The following OR14I1 variants were observed in gnomAD, a reference collection of about 807,000 sequenced individuals.
The protein encoded by OR14I1 is olfactory receptor 14I1.
For missense variants in OR14I1, 279 were observed against 181.8 expected (o/e 1.53, Z -3.07); for synonymous variants, 118 against 71.1 (o/e 1.66, Z -3.32).
chr1:248,681,943 T>A (rs1470562860), exon 1 of OR14I1: 1 of 780,818 alleles, frequency 1.3e-6, no homozygotes, highest in Non-Finnish European at 2.4e-6. Context: ...AATGGCAACA[T>A]AGCGGTCATA....
chr1:248,690,955 C>T, the OR14I1 span, among the ~76,000 whole-genome samples: 103 of 152,310 alleles, frequency 6.8e-4, no homozygotes, highest in Non-Finnish European at 1.2e-3. Flanking sequence ...AATCAATAAA[C>T]ACAATCCATC....
the OR14I1 span, among the ~76,000 whole-genome samples, chr1:248,701,128 A>G: frequency 6.6e-6 from 1 of 152,324 alleles, no homozygotes; most frequent in African/African-American, 2.4e-5. Context: ...TTTTTACAAG[A>G]CAAACAATAA....
At chr1:248,700,982 C>T in the OR14I1 span, among the ~76,000 whole-genome samples, 6 of 152,124 alleles carry the variant, frequency 3.9e-5, no homozygotes, top group East Asian at 7.7e-4. Context: ...TAATCAAAGA[C>T]CAAAATGGGC....
chr1:248,682,139 G>A, exon 1 of OR14I1: 1 of 781,042 alleles, frequency 1.3e-6, no homozygotes. Flanking sequence ...AAGTACATGG[G>A]TGTGTGAAGA....
the OR14I1 span, among the ~76,000 whole-genome samples, chr1:248,694,170 C>T: frequency 6.6e-6 from 1 of 152,086 alleles, no homozygotes; most frequent in African/African-American, 2.4e-5. Context: ...CAAAAGTGCC[C>T]TCCTTTGCTC....
chr1:248,693,303 C>T, the OR14I1 span, among the ~76,000 whole-genome samples: 11 of 152,202 alleles, frequency 7.2e-5, no homozygotes, highest in South Asian at 2.1e-3. Flanking sequence ...TATTCCTGGC[C>T]ACCTCCTTGC....
At chr1:248,682,806 T>A (rs1399671361), upstream of OR14I1, among the ~76,000 whole-genome samples, 1 of 152,188 alleles carries the variant, frequency 6.6e-6, no homozygotes, top group Non-Finnish European at 1.5e-5. Flanking sequence ...ATAAATTGGG[T>A]GGTAAGCCAC....
the OR14I1 span, among the ~76,000 whole-genome samples, chr1:248,695,228 C>CTTTTTGTTTTTTTT: frequency 1.0e-5 from 1 of 96,732 alleles, no homozygotes; most frequent in Non-Finnish European, 2.0e-5. Flanking sequence ...TGAATGTATG[C>CTTTTTGTTTTTTTT]TTTTTTTTTT....
the OR14I1 span, among the ~76,000 whole-genome samples, chr1:248,698,545 C>T: frequency 2.0e-5 from 3 of 152,174 alleles, no homozygotes; most frequent in Non-Finnish European, 4.4e-5. Flanking sequence ...TTCTTACTAC[C>T]ATTGGCATAA....
At chr1:248,678,743 A>T (rs1301906079), downstream of OR14I1, among the ~76,000 whole-genome samples, 1 of 152,206 alleles carries the variant, frequency 6.6e-6, no homozygotes, top group Non-Finnish European at 1.5e-5. Flanking sequence ...TTTTTAGACA[A>T]GAGTTTTTAC....
At chr1:248,688,398 CAA>C in the OR14I1 span, among the ~76,000 whole-genome samples, 1 of 152,210 alleles carries the variant, frequency 6.6e-6, no homozygotes, top group East Asian at 1.9e-4. Context: ...ATTTCTCTTA[CAA>C]AGAGTCCTCA....
rs150298763 is a variant in OR14I1 at position 248,681,894 on chromosome 1, T to C, written c.411A>G (p.Gly137=). Residue 137 remains glycine, a synonymous_variant, in exon 1 of 1, where the codon GGA becomes GGG. Transcript: ENST00000342623. ...TGGTGACTGCCATCTGATAGCACCC[T>C]CCTGATGTCATCACGGCTCTGTATT... 2,206 of 780,948 alleles carry C rather than the reference T, an allele frequency of 2.8e-3. 6 individuals carry two copies. The highest frequency in any genetic ancestry group is 4.2e-3 in the Non-Finnish European group (1,754 of 418,118). 48.4% of individuals were successfully genotyped at this position (780,948 alleles called of 1,614,324 possible). A position where few individuals can be genotyped will look rare whatever the true frequency, so the allele number is the denominator to read the frequency against.
At chr1:248,697,912 TG>T in the OR14I1 span, among the ~76,000 whole-genome samples, 1 of 152,246 alleles carries the variant, frequency 6.6e-6, no homozygotes, top group Non-Finnish European at 1.5e-5. Flanking sequence ...TCAAAAAGAT[TG>T]CAAATTATAT....
chr1:248,687,775 C>T, the OR14I1 span, among the ~76,000 whole-genome samples: 2 of 152,210 alleles, frequency 1.3e-5, no homozygotes, highest in African/African-American at 4.8e-5. Context: ...TACAGCTAGA[C>T]ATCCGTCTTG....
chr1:248,687,873 A>G, the OR14I1 span, among the ~76,000 whole-genome samples: 1 of 152,272 alleles, frequency 6.6e-6, no homozygotes, highest in South Asian at 2.1e-4. Flanking sequence ...ATATAGATAG[A>G]CATGTAACAG....
At chr1:248,689,476 A>G in the OR14I1 span, among the ~76,000 whole-genome samples, 2 of 152,154 alleles carry the variant, frequency 1.3e-5, no homozygotes, top group Non-Finnish European at 2.9e-5. Context: ...TGCTCAAACA[A>G]AGTTAGAGCT....
At chr1:248,689,190 C>T in the OR14I1 span, among the ~76,000 whole-genome samples, 1 of 152,194 alleles carries the variant, frequency 6.6e-6, no homozygotes, top group Non-Finnish European at 1.5e-5. Context: ...CCTCTTTGTC[C>T]TTTGTAAAAA....
chr1:248,695,299 T>C, the OR14I1 span, among the ~76,000 whole-genome samples: 4 of 142,136 alleles, frequency 2.8e-5, no homozygotes, highest in Non-Finnish European at 6.1e-5. Context: ...AGTGGTGCAA[T>C]CTCGGCTCAC....
At chr1:248,696,745 G>T in the OR14I1 span, among the ~76,000 whole-genome samples, 3 of 152,016 alleles carry the variant, frequency 2.0e-5, no homozygotes, top group African/African-American at 4.8e-5. Context: ...GTCCTGTTTT[G>T]TCTCTCTCCG....
Sources: allele counts gnomAD v4.1 joint callset (sites outside exome capture counted in the v4.1 genomes callset), GRCh38; gene constraint gnomAD v4.1.1; transcripts MANE v1.5; gene names NCBI Gene and HGNC (gene_info 2026-07-23, HGNC 2026-07-21).